Variants in GPHN observed in about 807,000 individuals in gnomAD.
The protein encoded by GPHN is gephyrin.
GPHN carries 17 observed loss-of-function variants against 95.5 expected under a neutral mutation model. The ratio of observed to expected loss-of-function variants is 0.18; its 90% CI spans 0.12 to 0.27. The LOEUF (loss-of-function observed/expected upper bound fraction) is 0.27. Among genes scored for constraint, GPHN ranks in the 10% least tolerant of loss-of-function variants. GPHN has a pLI of 1.00. For missense variants in GPHN, 660 were observed against 978.1 expected (o/e 0.67, Z 4.34); for synonymous variants, 320 against 322.5 (o/e 0.99, Z 0.08).
intron 6 of GPHN, among the ~76,000 whole-genome samples, chr14:66,916,383 A>C (rs746749589): frequency 6.6e-6 from 1 of 151,832 alleles, no homozygotes; most frequent in Non-Finnish European, 1.5e-5. Context: ...CTCCTTGTAG[A>C]GTCATCAATG....
chr14:67,265,591 T>C, the GPHN span, among the ~76,000 whole-genome samples: 12 of 151,372 alleles, frequency 7.9e-5, no homozygotes, highest in Non-Finnish European at 1.6e-4. Context: ...GCGCAGTGGC[T>C]CACGCCTGTA....
At chr14:67,381,754 CTTTG>C in the GPHN span, 4 of 1,043,970 alleles carry the variant, frequency 3.8e-6, no homozygotes, top group Non-Finnish European at 5.6e-6. Flanking sequence ...GATCTTTGAT[CTTTG>C]TTTCTTTTTT....
the GPHN span, among the ~76,000 whole-genome samples, chr14:67,225,960 T>TGC: frequency 1.3e-3 from 156 of 119,798 alleles, no homozygotes; most frequent in South Asian, 4.7e-3. Context: ...TGTGTGTGTG[T>TGC]GTGCGCGCGC....
intron 16 of GPHN, among the ~76,000 whole-genome samples, chr14:67,117,816 T>A (rs1361810120): frequency 3.3e-5 from 5 of 152,002 alleles, no homozygotes. Flanking sequence ...CGATCAGACC[T>A]CAAAACAAGG....
rs112855223 is a variant in GPHN, at chr14:67,143,285, C to T, written c.1749-77C>T. 8.7e-4 allele frequency: 755 copies of T among 872,042 alleles called. 6 individuals carry two copies. The African/African-American group carries it at 0.011, about 13-fold the overall frequency. 54.0% of individuals were successfully genotyped at this position (872,042 alleles called of 1,614,324 possible). ...TGTTAATGCCTATTAGTGAATAAGG[C>T]GATGTAGTTTTAAGTTGGCACTATA... On this transcript the variant is annotated intron_variant, in intron 17 of 22. Transcript: ENST00000478722.
At chr14:67,504,164 C>T in the GPHN span, among the ~76,000 whole-genome samples, 2 of 152,262 alleles carry the variant, frequency 1.3e-5, no homozygotes, top group East Asian at 3.9e-4. Context: ...CAGGCGCCCA[C>T]CACCATGCCC....
At chr14:67,315,832 T>C in the GPHN span, among the ~76,000 whole-genome samples, 9 of 152,152 alleles carry the variant, frequency 5.9e-5, no homozygotes, top group Non-Finnish European at 1.5e-5. Flanking sequence ...GGCTGAGGCA[T>C]GCGAATCCCT....
chr14:66,905,161 A>G (rs550767424), intron 5 of GPHN, among the ~76,000 whole-genome samples: 3 of 152,116 alleles, frequency 2.0e-5, no homozygotes, highest in African/African-American at 7.2e-5. Flanking sequence ...CAAATAGCCT[A>G]TCTTTGAGCT....
the GPHN span, among the ~76,000 whole-genome samples, chr14:67,659,278 C>A: frequency 6.6e-6 from 1 of 152,114 alleles, no homozygotes; most frequent in Non-Finnish European, 1.5e-5. Flanking sequence ...TAAAGGAAAG[C>A]TTGGATTGAT....
chr14:66,581,410 T>C (rs1456579216), intron 1 of GPHN, among the ~76,000 whole-genome samples: 2 of 151,774 alleles, frequency 1.3e-5, no homozygotes, highest in African/African-American at 4.8e-5. Flanking sequence ...TAGATACACT[T>C]AAGATAAAAA....
chr14:67,235,669 C>G, the GPHN span, among the ~76,000 whole-genome samples: 2 of 151,862 alleles, frequency 1.3e-5, no homozygotes, highest in Non-Finnish European at 2.9e-5. Context: ...GAGTCGAGAT[C>G]GCGCCACTGC....
chr14:67,561,824 T>A, the GPHN span: 2 of 684,534 alleles, frequency 2.9e-6, no homozygotes, highest in Non-Finnish European at 2.5e-6. Flanking sequence ...GAGCCAAAAT[T>A]GCTCCACTGC....
At chr14:66,716,562 TTTTTG>T (rs745584845) in intron 2 of GPHN, among the ~76,000 whole-genome samples, 82 of 152,266 alleles carry the variant, frequency 5.4e-4, no homozygotes, top group African/African-American at 1.8e-3. Context: ...GTACCTTGGT[TTTTTG>T]TTTTGTTTTG....
the GPHN span, among the ~76,000 whole-genome samples, chr14:67,210,164 C>T: frequency 9.2e-5 from 14 of 152,136 alleles, no homozygotes; most frequent in African/African-American, 2.4e-4. Flanking sequence ...TTGAATGTAG[C>T]GTTTCATATG....
the GPHN span, among the ~76,000 whole-genome samples, chr14:67,538,142 T>C: frequency 0.024 from 3,645 of 152,348 alleles, 57 homozygotes; most frequent in Non-Finnish European, 0.039. Context: ...CTGAGTTTTG[T>C]TTCCAGCTCA....
intron 1 of GPHN, among the ~76,000 whole-genome samples, chr14:66,544,359 A>G (rs1471914721): frequency 6.6e-6 from 1 of 152,096 alleles, no homozygotes; most frequent in Non-Finnish European, 1.5e-5. Flanking sequence ...TCTTTCCTAT[A>G]GCATTTATTG....
At chr14:67,589,447 G>A in the GPHN span, 1 of 985,280 alleles carries the variant, frequency 1.0e-6, no homozygotes, top group Non-Finnish European at 1.2e-6. Flanking sequence ...AAAATGCTGA[G>A]TAACAGAAAA....
intron 1 of GPHN, among the ~76,000 whole-genome samples, chr14:66,546,023 C>T (rs1414728724): frequency 1.2e-4 from 17 of 146,606 alleles, no homozygotes; most frequent in East Asian, 8.4e-4. Flanking sequence ...ACGGGGCGGC[C>T]GGGCAGAGAC....
chr14:67,306,079 C>T, the GPHN span, among the ~76,000 whole-genome samples: 6 of 152,214 alleles, frequency 3.9e-5, no homozygotes, highest in Non-Finnish European at 8.8e-5. Flanking sequence ...AAGCAGTTCT[C>T]CTGCTTCAGC....
Sources: gnomAD v4.1 joint callset for allele counts (sites outside exome capture counted in the v4.1 genomes callset) on GRCh38, gnomAD v4.1.1 for gene constraint, MANE v1.5 for transcripts, NCBI Gene and HGNC (gene_info 2026-07-23, HGNC 2026-07-21) for gene names.